HMCN1: variants seen among roughly 807,000 people sequenced by gnomAD.
The protein encoded by HMCN1 is hemicentin 1, also known as hemicentin-1.
A neutral mutation model predicts 625.9 loss-of-function variants in HMCN1; 321 were observed. That is an observed-to-expected ratio of 0.51 (90% confidence interval 0.47 to 0.56). The LOEUF (loss-of-function observed/expected upper bound fraction) is 0.56, where lower values mean the gene tolerates loss of function less well. Ranked by LOEUF, HMCN1 falls within the 20% of genes least tolerant of loss-of-function variation. The pLI, the probability that HMCN1 is intolerant of heterozygous loss-of-function variation, is 0.00. For missense variants in HMCN1, 6,588 were observed against 6,887.3 expected (o/e 0.96, Z 1.54); for synonymous variants, 2,425 against 2,417.6 (o/e 1.00, Z -0.09).
intron 1 of HMCN1, among the ~76,000 whole-genome samples, chr1:185,833,701 T>A (rs1661009227): frequency 6.6e-6 from 1 of 152,172 alleles, no homozygotes; most frequent in African/African-American, 2.4e-5. Context: ...TATTAATGTC[T>A]ATTATTTCTC....
At chr1:185,849,161 C>A (rs1436526002) in intron 2 of HMCN1, among the ~76,000 whole-genome samples, 1 of 152,106 alleles carries the variant, frequency 6.6e-6, no homozygotes, top group African/African-American at 2.4e-5. Flanking sequence ...AGGCTCTGTA[C>A]TCTGCTGCAG....
In HMCN1 at chr1:186,074,774, G is replaced by A. The variant is rs577166967; in HGVS notation, c.8173G>A (p.Ala2725Thr). 1 of 1,612,932 alleles carries A rather than the reference G, an allele frequency of 6.2e-7. No homozygotes were observed. Among genetic ancestry groups the A allele is most frequent in the East Asian group, 2.2e-5 (1 of 44,714 alleles). ...LKSDDHVNIA[A>T]NGHTLQIKEA... is the part of the protein sequence containing the mutation. ...ATCCGATGATCATGTTAATATTGCT[G>A]CGAATGGACACACACTTCAAATAAA... The change falls in exon 53 of 107, where the codon GCG becomes ACG. Residue 2725 changes from alanine (A) to threonine (T), a missense_variant. Transcript: ENST00000271588.
Position 186,187,898 on chromosome 1 carries a change from T to A in HMCN1, c.16430T>A (p.Leu5477Gln). The change falls in exon 106 of 107, where the codon CTG (leucine) becomes CAG (glutamine). Residue 5477 changes from leucine to glutamine, a missense_variant. By Grantham distance (113) the Leu-to-Gln change is moderately radical (BLOSUM62 -2). Transcript: ENST00000271588. ...GKTCQDIDEC[L>Q]EQNVHCGPNR... ...CTGTCCCTAGATATCGATGAATGTCTGGAGCAGAATGTGCACTGTGGACCC... is the reference window on the plus strand; with the variant it reads ...CTGTCCCTAGATATCGATGAATGTCAGGAGCAGAATGTGCACTGTGGACCC... 6.2e-7 allele frequency: 1 copy of A among 1,613,788 alleles called. No homozygotes were observed. The highest frequency in any genetic ancestry group is 8.5e-7 in the Non-Finnish European group (1 of 1,179,752).
At chr1:185,909,809 A>G (rs1372932390) in intron 5 of HMCN1, among the ~76,000 whole-genome samples, 2 of 152,136 alleles carry the variant, frequency 1.3e-5, no homozygotes, top group Admixed American at 6.6e-5. Flanking sequence ...TTATATGAGG[A>G]GATATTTTAC....
intron 4 of HMCN1, among the ~76,000 whole-genome samples, chr1:185,896,004 C>T (rs1044775444): frequency 4.6e-5 from 7 of 151,444 alleles, no homozygotes; most frequent in African/African-American, 1.7e-4. Flanking sequence ...GGCGCAATCT[C>T]GGCTCACTGC....
At chr1:185,990,540 T>G in intron 22 of HMCN1, 97 bp downstream of exon 22, 2 of 1,027,438 alleles carry the variant, frequency 1.9e-6, no homozygotes, top group Non-Finnish European at 3.0e-6. Context: ...TCTCAAAAAA[T>G]CACCTTTAAA....
In HMCN1 at chr1:186,090,947, A is replaced by C. The variant is rs775613208; in HGVS notation, c.9887+30A>C. 3.1e-6 allele frequency: 5 copies of C among 1,598,824 alleles called. 1 individual carries two copies. In the South Asian group the frequency reaches 5.5e-5, roughly 18 times the overall value. On this transcript the variant is annotated intron_variant, in intron 64 of 106. Transcript: ENST00000271588. ...GTTTAAAAATAATCTTTCCATTATA[A>C]ATTGTAAGCCCTTCTACAATGCTTT...
In HMCN1 at chr1:186,103,743, A is replaced by G. The variant is rs1660490346; in HGVS notation, c.10770+75A>G. ...CTTGCTAATATATGAGATTTGTTAA[A>G]TTATGTCTTTGAATCCTTATATATC... On this transcript the variant is annotated intron_variant, in intron 69 of 106. Coordinates refer to ENST00000271588, the MANE Select transcript of HMCN1 (RefSeq NM_031935.3). 10 of 1,290,824 alleles carry G rather than the reference A, an allele frequency of 7.7e-6. No homozygotes were observed. The South Asian group carries it at 1.3e-4, about 17-fold the overall frequency. The allele number at this position is 1,290,824 out of a possible 1,614,324, so 80.0% of individuals were successfully genotyped here. A position where few individuals can be genotyped will look rare whatever the true frequency, so the allele number is the denominator to read the frequency against.
At chr1:186,141,267 C>T (rs767146902) in intron 89 of HMCN1, among the ~76,000 whole-genome samples, 9 of 152,102 alleles carry the variant, frequency 5.9e-5, no homozygotes, top group African/African-American at 2.2e-4. Context: ...CCAAGCGATC[C>T]GTGGCCCATG....
At chr1:185,845,875 G>A in intron 1 of HMCN1, 151 bp from the exon 2 acceptor site, 1 of 643,226 alleles carries the variant, frequency 1.6e-6, no homozygotes, top group Non-Finnish European at 2.8e-6. Context: ...TTCTCTGGTA[G>A]CTACAAATTG....
chr1:185,778,389 C>T (rs1656777516), intron 1 of HMCN1, among the ~76,000 whole-genome samples: 1 of 151,276 alleles, frequency 6.6e-6, no homozygotes, highest in South Asian at 2.1e-4. Context: ...GGTACATGTG[C>T]ACAACATGCA....
intron 4 of HMCN1, among the ~76,000 whole-genome samples, chr1:185,875,443 A>G (rs879863547): frequency 4.6e-5 from 7 of 152,082 alleles, no homozygotes; most frequent in Admixed American, 4.6e-4. Flanking sequence ...AGAGGGATCA[A>G]GTCTCCCCTG....
chr1:185,950,555 A>T (rs1373521812), intron 11 of HMCN1, among the ~76,000 whole-genome samples: 1 of 149,894 alleles, frequency 6.7e-6, no homozygotes, highest in Admixed American at 6.6e-5. Context: ...AGTCGGACAC[A>T]ATTGGCAGGG....
intron 1 of HMCN1, among the ~76,000 whole-genome samples, chr1:185,801,097 T>C (rs1658764744): frequency 6.6e-6 from 1 of 152,068 alleles, no homozygotes; most frequent in Non-Finnish European, 1.5e-5. Flanking sequence ...ACACAAGAGG[T>C]GCTTCATTTG....
chr1:185,964,397 A>T (rs1017527018), intron 13 of HMCN1, among the ~76,000 whole-genome samples: 5 of 152,170 alleles, frequency 3.3e-5, no homozygotes, highest in African/African-American at 4.8e-5. Flanking sequence ...AATAAAGGAT[A>T]AAGGAATAAT....
intron 14 of HMCN1, among the ~76,000 whole-genome samples, chr1:185,969,971 A>G (rs1306793557): frequency 6.6e-6 from 1 of 152,184 alleles, no homozygotes. Context: ...TCAAACATCT[A>G]CTGAGTAACC....
intron 50 of HMCN1, among the ~76,000 whole-genome samples, chr1:186,069,427 G>A (rs1302885913): frequency 1.3e-5 from 2 of 152,146 alleles, no homozygotes; most frequent in African/African-American, 4.8e-5. Context: ...GGCATGGCAG[G>A]TCTGAATGAG....
At chr1:185,911,828 C>A in intron 6 of HMCN1, 48 bp downstream of exon 6, 1 of 1,363,894 alleles carries the variant, frequency 7.3e-7, no homozygotes, top group Non-Finnish European at 1.0e-6. Context: ...TTGAAGTTGG[C>A]ATTTTTCATG....
chr1:185,919,824 C>G (rs556407161), intron 6 of HMCN1, among the ~76,000 whole-genome samples: 1 of 152,136 alleles, frequency 6.6e-6, no homozygotes, highest in South Asian at 2.1e-4. Context: ...GGTAATAATA[C>G]TCTCTCACAG....
Sources: allele counts gnomAD v4.1 joint callset (sites outside exome capture counted in the v4.1 genomes callset), GRCh38; gene constraint gnomAD v4.1.1; transcripts MANE v1.5; gene names NCBI Gene and HGNC (gene_info 2026-07-23, HGNC 2026-07-21).